PEX5L: variants seen among roughly 807,000 people sequenced by gnomAD.
PEX5L encodes the protein peroxisomal biogenesis factor 5 like, also known as PEX5-related protein.
In PEX5L, 30 loss-of-function variants were observed where a neutral mutation model predicts 84.0. That is an observed-to-expected ratio of 0.36 (90% CI 0.27 to 0.48). The LOEUF (loss-of-function observed/expected upper bound fraction) is 0.48, where lower values mean the gene tolerates loss of function less well. Ranked by LOEUF, PEX5L falls within the 20% of genes least tolerant of loss-of-function variation. PEX5L has a pLI of 0.99. For synonymous variants in PEX5L, 270 were observed against 283.1 expected, an observed-to-expected ratio of 0.95 and a Z score of 0.46; for missense variants, 533 against 754.6, an observed-to-expected ratio of 0.71 and a Z score of 3.44.
At chr3:179,908,775 A>C (rs1415210712) in intron 2 of PEX5L, among the ~76,000 whole-genome samples, 1 of 152,144 alleles carries the variant, frequency 6.6e-6, no homozygotes, top group African/African-American at 2.4e-5. Context: ...AGCTTCATCC[A>C]TGTCCCTACA....
At chr3:179,830,311 C>T (rs1732367663) in intron 8 of PEX5L, among the ~76,000 whole-genome samples, 1 of 135,374 alleles carries the variant, frequency 7.4e-6, no homozygotes, top group Non-Finnish European at 1.5e-5. Flanking sequence ...TTATGACTAC[C>T]TGATTGTCAA....
chr3:179,907,210 A>G (rs1210572022), intron 2 of PEX5L, among the ~76,000 whole-genome samples: 1 of 152,090 alleles, frequency 6.6e-6, no homozygotes, highest in African/African-American at 2.4e-5. Flanking sequence ...TATATACCAA[A>G]TTAAAAAAAA....
Position 180,036,851 on chromosome 3 carries a change from C to G in PEX5L, c.-252G>C, listed in dbSNP as rs1791951199. 1.8e-6 allele frequency: 1 copy of G among 557,706 alleles called. No individual in the cohort carries two copies. The highest frequency in any genetic ancestry group is 3.2e-6 in the Non-Finnish European group (1 of 308,652). The allele number at this position is 557,706 out of a possible 1,614,324, so 34.5% of individuals were successfully genotyped here. Reference sequence around the variant, plus strand: ...GCGCAGAGAAGGCGAGGAGCCGGGTCGGCCAGGCTCTCCTGCAGGCGCGGG... The same window carrying G: ...GCGCAGAGAAGGCGAGGAGCCGGGTGGGCCAGGCTCTCCTGCAGGCGCGGG... On this transcript the variant is annotated 5_prime_UTR_variant, in exon 1 of 15. Coordinates refer to ENST00000467460, the MANE Select transcript of PEX5L (RefSeq NM_016559.3).
intron 2 of PEX5L, among the ~76,000 whole-genome samples, chr3:179,903,492 G>A (rs1259707585): frequency 6.6e-6 from 1 of 152,098 alleles, no homozygotes; most frequent in Non-Finnish European, 1.5e-5. Flanking sequence ...AGTCTTCCAG[G>A]GTTCTGGGAT....
intron 1 of PEX5L, chr3:179,973,427 C>G: frequency 8.9e-7 from 1 of 1,119,658 alleles, no homozygotes; most frequent in Non-Finnish European, 1.1e-6. Flanking sequence ...AAAAAACTCA[C>G]TGAAATGAAA....
chr3:179,837,737 G>C (rs1057448594), intron 8 of PEX5L, among the ~76,000 whole-genome samples: 1 of 152,226 alleles, frequency 6.6e-6, no homozygotes, highest in African/African-American at 2.4e-5. Flanking sequence ...TGAACATGGA[G>C]AAATCTGTGC....
At chr3:179,905,371 C>G (rs1036625486) in intron 2 of PEX5L, among the ~76,000 whole-genome samples, 2 of 151,692 alleles carry the variant, frequency 1.3e-5, no homozygotes, top group Admixed American at 6.6e-5. Context: ...CTCCCAGGTT[C>G]AAGCCATTCT....
intron 3 of PEX5L, among the ~76,000 whole-genome samples, chr3:179,891,319 G>A (rs1452359043): frequency 2.0e-5 from 3 of 152,150 alleles, no homozygotes; most frequent in South Asian, 2.1e-4. Flanking sequence ...TACCTTCTGA[G>A]TCAGTGTTTT....
chr3:179,942,017 C>CAAAAAAAAAAAAAAAA (rs11447396), intron 2 of PEX5L, among the ~76,000 whole-genome samples: 1 of 89,260 alleles, frequency 1.1e-5, no homozygotes, highest in Non-Finnish European at 2.0e-5. Flanking sequence ...TGAGACTCCT[C>CAAAAAAAAAAAAAAAA]AAAAAAAAAA....
intron 8 of PEX5L, among the ~76,000 whole-genome samples, chr3:179,826,640 A>C (rs1730606458): frequency 6.6e-6 from 1 of 152,098 alleles, no homozygotes; most frequent in South Asian, 2.1e-4. Context: ...TGGGGTTTGA[A>C]TCTTGTCTGT....
At chr3:179,903,385 C>T (rs188608515) in intron 2 of PEX5L, among the ~76,000 whole-genome samples, 119 of 152,102 alleles carry the variant, frequency 7.8e-4, no homozygotes, top group African/African-American at 2.7e-3. Flanking sequence ...CCACACTCTG[C>T]TAATTAATTT....
At chr3:179,873,285 T>C (rs1433570164) in intron 7 of PEX5L, among the ~76,000 whole-genome samples, 1 of 152,182 alleles carries the variant, frequency 6.6e-6, no homozygotes, top group Non-Finnish European at 1.5e-5. Context: ...CTCAGTAATA[T>C]CTGCTATTAT....
At chr3:179,841,281 T>C (rs1737181963) in intron 8 of PEX5L, among the ~76,000 whole-genome samples, 1 of 152,106 alleles carries the variant, frequency 6.6e-6, no homozygotes, top group Non-Finnish European at 1.5e-5. Flanking sequence ...CCTCTGTACA[T>C]TTGCATGTAT....
At chr3:179,909,314 T>C (rs555461317) in intron 2 of PEX5L, among the ~76,000 whole-genome samples, 1 of 151,774 alleles carries the variant, frequency 6.6e-6, no homozygotes, top group South Asian at 2.1e-4. Context: ...AACTGAAAAA[T>C]AGATGTGAAA....
intron 1 of PEX5L, among the ~76,000 whole-genome samples, chr3:179,988,788 G>A (rs1787112168): frequency 6.6e-6 from 1 of 152,202 alleles, no homozygotes. Flanking sequence ...AGACACAAAT[G>A]TAGTTAGGAG....
chr3:179,906,361 A>C (rs1470025516), intron 2 of PEX5L, among the ~76,000 whole-genome samples: 3 of 152,180 alleles, frequency 2.0e-5, no homozygotes, highest in Non-Finnish European at 2.9e-5. Context: ...TCCTCTGATG[A>C]ATGTGGTTCT....
chr3:179,895,029 T>C (rs76061214), intron 3 of PEX5L, among the ~76,000 whole-genome samples: 2,635 of 152,244 alleles, frequency 0.017, 72 homozygotes, highest in African/African-American at 0.061. Context: ...ATTGAATTTG[T>C]TTATACTATT....
chr3:179,892,300 G>T (rs2108905489), intron 3 of PEX5L, among the ~76,000 whole-genome samples: 1 of 152,122 alleles, frequency 6.6e-6, no homozygotes, highest in East Asian at 1.9e-4. Context: ...TCTCTTTCAG[G>T]ATCCCATTCA....
chr3:179,954,203 TCGGG>T (rs1779895613), intron 2 of PEX5L, among the ~76,000 whole-genome samples: 2 of 108,030 alleles, frequency 1.9e-5, no homozygotes, highest in East Asian at 2.2e-4. Flanking sequence ...TAACCATTAG[TCGGG>T]GGGGGGGGAA....
Sources: gnomAD v4.1 joint callset for allele counts (sites outside exome capture counted in the v4.1 genomes callset) on GRCh38, gnomAD v4.1.1 for gene constraint, MANE v1.5 for transcripts, NCBI Gene and HGNC (gene_info 2026-07-23, HGNC 2026-07-21) for gene names.